Variants in UBE3D observed in about 807,000 individuals in gnomAD.
The protein encoded by UBE3D is ubiquitin protein ligase E3D.
A neutral mutation model predicts 49.6 loss-of-function variants in UBE3D; 48 were observed. That is an observed-to-expected ratio of 0.97 (90% confidence interval 0.77 to 1.23). The LOEUF is 1.23. Among genes scored for constraint, UBE3D ranks in the 50% most tolerant of loss-of-function variants. The pLI is 0.00. For missense variants in UBE3D, 452 were observed against 468.4 expected, an observed-to-expected ratio of 0.96 and a Z score of 0.32; for synonymous variants, 189 against 174.2, an observed-to-expected ratio of 1.08 and a Z score of -0.67.
chr6:83,027,480 T>C (rs1582680348), intron 5 of UBE3D, among the ~76,000 whole-genome samples: 2 of 118,872 alleles, frequency 1.7e-5, no homozygotes, highest in Middle Eastern at 5.7e-3. Context: ...TAGTATTGAA[T>C]TAACCTAGAT....
intron 5 of UBE3D, chr6:83,036,644 G>A (rs996667620): frequency 1.3e-5 from 2 of 151,802 alleles, no homozygotes; most frequent in Admixed American, 1.3e-4. Context: ...TTAGTGTAAG[G>A]CAGTGAAATG....
intron 1 of UBE3D, among the ~76,000 whole-genome samples, chr6:83,061,205 G>C (rs1784147428): frequency 6.6e-6 from 1 of 152,182 alleles, no homozygotes; most frequent in Non-Finnish European, 1.5e-5. Flanking sequence ...CAAAATGATT[G>C]TACTATCATC....
At chr6:83,039,282 C>T (rs1384669715) in intron 4 of UBE3D, among the ~76,000 whole-genome samples, 1 of 152,152 alleles carries the variant, frequency 6.6e-6, no homozygotes, top group African/African-American at 2.4e-5. Flanking sequence ...GGGTACCTTT[C>T]CTGGGAAACC....
intron 8 of UBE3D, among the ~76,000 whole-genome samples, chr6:83,000,552 T>A (rs9353117): frequency 6.6e-6 from 1 of 152,214 alleles, no homozygotes; most frequent in East Asian, 1.9e-4. Flanking sequence ...CTCTAGATGG[T>A]TGCCAGAACA....
intron 9 of UBE3D, among the ~76,000 whole-genome samples, chr6:82,933,143 T>G (rs779332843): frequency 1.3e-5 from 2 of 152,172 alleles, no homozygotes; most frequent in African/African-American, 2.4e-5. Flanking sequence ...ACCTTCACAG[T>G]ATGACTCTCT....
chr6:83,009,565 T>G (rs879825018), intron 8 of UBE3D, among the ~76,000 whole-genome samples: 20 of 148,784 alleles, frequency 1.3e-4, no homozygotes, highest in African/African-American at 3.2e-4. Context: ...AAGGAAAACA[T>G]TAATAGAGAA....
chr6:82,987,126 C>A (rs920191875), intron 8 of UBE3D, among the ~76,000 whole-genome samples: 2 of 151,956 alleles, frequency 1.3e-5, no homozygotes, highest in Non-Finnish European at 2.9e-5. Flanking sequence ...TGCCACCACA[C>A]CTGGCTAATT....
In UBE3D at chr6:83,038,505, C is replaced by G. The variant is rs1177275192; in HGVS notation, c.598-20G>C. On this transcript the variant is annotated intron_variant, in intron 4 of 9. Coordinates refer to ENST00000369747, the MANE Select transcript of UBE3D (RefSeq NM_198920.3). ...TGGTTCCTGTAGAACAGAAAAATGT[C>G]ATTTAAATGTCATTCAGCTTTTCTT... 7 of 1,588,486 alleles carry G rather than the reference C, an allele frequency of 4.4e-6. No homozygotes were observed. Among genetic ancestry groups the G allele is most frequent in the Non-Finnish European group, 6.0e-6 (7 of 1,165,718 alleles).
At chr6:83,009,442 A>G (rs143073536) in intron 8 of UBE3D, among the ~76,000 whole-genome samples, 282 of 151,960 alleles carry the variant, frequency 1.9e-3, no homozygotes, top group Middle Eastern at 6.8e-3. Flanking sequence ...CATGAAGTTT[A>G]CATTTCAGGG....
chr6:82,901,545 G>C (rs1771738484), intron 9 of UBE3D, among the ~76,000 whole-genome samples: 1 of 152,190 alleles, frequency 6.6e-6, no homozygotes, highest in South Asian at 2.1e-4. Context: ...AGGTTTGAGA[G>C]CTGTTGATCT....
At chr6:82,917,876 T>C (rs6939095) in intron 9 of UBE3D, among the ~76,000 whole-genome samples, 3,633 of 152,296 alleles carry the variant, frequency 0.024, 143 homozygotes, top group African/African-American at 0.082. Flanking sequence ...GTGTGCTGTC[T>C]CTCTAAACTC....
At chr6:82,996,649 T>C (rs1779260071) in intron 8 of UBE3D, among the ~76,000 whole-genome samples, 2 of 152,104 alleles carry the variant, frequency 1.3e-5, no homozygotes. Context: ...AAGACTAACA[T>C]TGCCGGTGAT....
At chr6:82,957,060 C>T (rs907022200) in intron 9 of UBE3D, among the ~76,000 whole-genome samples, 1 of 151,962 alleles carries the variant, frequency 6.6e-6, no homozygotes, top group Admixed American at 6.6e-5. Flanking sequence ...ACCTGGGAGG[C>T]GGAGGCTGCT....
At chr6:83,041,017 T>C (rs958428820) in intron 4 of UBE3D, among the ~76,000 whole-genome samples, 1 of 152,248 alleles carries the variant, frequency 6.6e-6, no homozygotes, top group Non-Finnish European at 1.5e-5. Flanking sequence ...CATACCTGCA[T>C]GGCTCCAAGT....
intron 9 of UBE3D, among the ~76,000 whole-genome samples, chr6:82,895,240 G>C (rs1012028384): frequency 6.6e-6 from 1 of 152,154 alleles, no homozygotes; most frequent in Non-Finnish European, 1.5e-5. Flanking sequence ...GAACCCATAT[G>C]GTAGAGGTTG....
intron 8 of UBE3D, among the ~76,000 whole-genome samples, chr6:82,960,319 T>C (rs943335950): frequency 6.6e-6 from 1 of 152,138 alleles, no homozygotes; most frequent in Non-Finnish European, 1.5e-5. Context: ...AAAATTAAAA[T>C]GTTGCTGTCT....
chr6:82,881,966 T>A, the UBE3D span, among the ~76,000 whole-genome samples: 1 of 152,160 alleles, frequency 6.6e-6, no homozygotes, highest in East Asian at 1.9e-4. Context: ...GCCAAATTAT[T>A]TACCATTCCA....
chr6:83,041,085 C>A (rs1411894175), intron 4 of UBE3D, among the ~76,000 whole-genome samples: 1 of 152,182 alleles, frequency 6.6e-6, no homozygotes, highest in African/African-American at 2.4e-5. Context: ...TCTGATCACA[C>A]TCATTAAATG....
chr6:83,012,379 T>C (rs1780400748), intron 8 of UBE3D, among the ~76,000 whole-genome samples: 1 of 152,210 alleles, frequency 6.6e-6, no homozygotes, highest in Admixed American at 6.5e-5. Flanking sequence ...TGTTGGTCTC[T>C]GCTGCTGGCA....
Sources: allele counts gnomAD v4.1 joint callset (sites outside exome capture counted in the v4.1 genomes callset), GRCh38; gene constraint gnomAD v4.1.1; transcripts MANE v1.5; gene names NCBI Gene and HGNC (gene_info 2026-07-23, HGNC 2026-07-21).